Variants in SNX29 observed in about 807,000 individuals in gnomAD.
SNX29 encodes the protein sorting nexin 29.
Under a neutral mutation model 102.1 loss-of-function variants are expected in SNX29, and 78 were observed. The observed-to-expected ratio is 0.76, with a 90% CI of 0.64 to 0.92. The LOEUF (loss-of-function observed/expected upper bound fraction) is 0.92, where lower values mean the gene tolerates loss of function less well. Among genes scored for constraint, SNX29 ranks in the 40% least tolerant of loss-of-function variants. The pLI is 0.00. For synonymous variants in SNX29, 580 were observed against 414.5 expected (o/e 1.40, Z -4.85); for missense variants, 1,280 against 1,061.7 (o/e 1.21, Z -2.86).
At chr16:12,396,418 T>G (rs2083723557) in intron 16 of SNX29, among the ~76,000 whole-genome samples, 1 of 152,144 alleles carries the variant, frequency 6.6e-6, no homozygotes, top group Non-Finnish European at 1.5e-5. Context: ...CTAAAGGCGG[T>G]GGCGATTGTG....
chr16:12,494,766 G>A (rs2088727840), intron 19 of SNX29, among the ~76,000 whole-genome samples: 1 of 152,182 alleles, frequency 6.6e-6, no homozygotes, highest in Admixed American at 6.5e-5. Flanking sequence ...ATAAGCTGGT[G>A]AAAATGGGAA....
intron 12 of SNX29, 103 bp from the exon 13 acceptor site, chr16:12,129,527 G>GA: frequency 7.1e-7 from 1 of 1,398,998 alleles, no homozygotes; most frequent in Non-Finnish European, 9.4e-7. Context: ...GAGCCTTGTG[G>GA]AAAACGCATG....
chr16:12,519,069 C>T lies in SNX29; in HGVS notation c.2179-5633C>T, dbSNP rs568871863. Reference sequence around the variant, plus strand: ...TGGGGAGTGACGGTGCTATGTGGTCCGCTAATCAGGCACTCCCGGCTTAGC... The same window carrying T: ...TGGGGAGTGACGGTGCTATGTGGTCTGCTAATCAGGCACTCCCGGCTTAGC... On this transcript the variant is annotated intron_variant, in intron 19 of 20. Coordinates refer to ENST00000566228, the MANE Select transcript of SNX29 (RefSeq NM_032167.5). Among the ~76,000 whole-genome samples, 20 of 152,222 alleles carry T rather than the reference C, an allele frequency of 1.3e-4. No homozygotes were observed. In the South Asian group the frequency reaches 2.1e-3, roughly 16 times the overall value.
At chr16:12,225,618 T>G (rs2077589786) in intron 14 of SNX29, among the ~76,000 whole-genome samples, 1 of 152,238 alleles carries the variant, frequency 6.6e-6, no homozygotes, top group Non-Finnish European at 1.5e-5. Flanking sequence ...TGGGTATGTC[T>G]TTATCAGCAT....
At chr16:12,504,124 C>A (rs1188141648) in intron 19 of SNX29, among the ~76,000 whole-genome samples, 2 of 152,134 alleles carry the variant, frequency 1.3e-5, no homozygotes, top group African/African-American at 4.8e-5. Context: ...TCTCCCTGTT[C>A]TGAACATTTC....
At chr16:12,294,595 G>A (rs923044920) in intron 15 of SNX29, among the ~76,000 whole-genome samples, 7 of 152,176 alleles carry the variant, frequency 4.6e-5, no homozygotes, top group East Asian at 1.9e-4. Context: ...ATGGTTCCCT[G>A]TTAGCTGGTC....
intron 3 of SNX29, among the ~76,000 whole-genome samples, chr16:12,024,173 T>C (rs2057120985): frequency 6.6e-6 from 1 of 151,810 alleles, no homozygotes. Context: ...AGTTTCGCTC[T>C]TGTTGCCCAG....
At chr16:12,343,751 G>A (rs1420750804) in intron 15 of SNX29, among the ~76,000 whole-genome samples, 4 of 152,088 alleles carry the variant, frequency 2.6e-5, no homozygotes, top group African/African-American at 9.7e-5. Flanking sequence ...TTGTCACACT[G>A]ATGCCCAGAG....
intron 20 of SNX29, among the ~76,000 whole-genome samples, chr16:12,565,873 GAAC>G (rs1208966782): frequency 6.6e-6 from 1 of 152,154 alleles, no homozygotes; most frequent in Admixed American, 6.5e-5. Flanking sequence ...GCCCTGCTCA[GAAC>G]AACCTGAGTT....
intron 19 of SNX29, among the ~76,000 whole-genome samples, chr16:12,507,625 A>C (rs1400622368): frequency 6.6e-6 from 1 of 152,182 alleles, no homozygotes; most frequent in Non-Finnish European, 1.5e-5. Flanking sequence ...ATAGTAAGCT[A>C]AGAGCCTGAG....
chr16:12,423,160 G>T (rs1194900207), intron 18 of SNX29, among the ~76,000 whole-genome samples: 1 of 151,866 alleles, frequency 6.6e-6, no homozygotes, highest in African/African-American at 2.4e-5. Flanking sequence ...GCTCGCTAAA[G>T]CCAGGAGAAG....
chr16:12,562,554 ACT>A (rs1266805651), intron 20 of SNX29, among the ~76,000 whole-genome samples: 1 of 152,168 alleles, frequency 6.6e-6, no homozygotes, highest in Non-Finnish European at 1.5e-5. Flanking sequence ...CATCTAAGAC[ACT>A]GTCCCCGTGG....
chr16:12,007,419 C>T (rs1029943305), intron 3 of SNX29, among the ~76,000 whole-genome samples: 36 of 152,194 alleles, frequency 2.4e-4, no homozygotes, highest in African/African-American at 8.2e-4. Flanking sequence ...ACAGGAGAAT[C>T]GCTTGAACCC....
chr16:12,441,198 C>T (rs550262717), intron 18 of SNX29, among the ~76,000 whole-genome samples: 4 of 151,088 alleles, frequency 2.6e-5, no homozygotes, highest in Non-Finnish European at 5.9e-5. Context: ...CGCCATTCTC[C>T]TGACTCAGCC....
At chr16:12,155,360 C>G (rs571986498) in intron 13 of SNX29, among the ~76,000 whole-genome samples, 60 of 152,284 alleles carry the variant, frequency 3.9e-4, no homozygotes, top group African/African-American at 1.4e-3. Flanking sequence ...TAGCAAGCCA[C>G]TGGGAGGAGC....
At position 11,979,275 on chromosome 16, in the gene SNX29, C is replaced by CAAAAAAAAAAAAAAAAAA. The variant is rs71139569; in HGVS notation, c.7+2469_7+2486dup. Among the ~76,000 whole-genome samples the CAAAAAAAAAAAAAAAAAA allele has an allele frequency of 2.6e-4, 16 of 61,998 alleles. 1 individual carries two copies. The highest frequency in any genetic ancestry group is 1.1e-3 in the African/African-American group (15 of 13,386). 40.7% of individuals were successfully genotyped at this position (61,998 alleles called of 152,430 possible). On this transcript the variant is annotated intron_variant, in intron 1 of 20. Transcript: ENST00000566228. ...GGGCAACAGAGTGAGACTCAGTCTC[C>CAAAAAAAAAAAAAAAAAA]AAAAAAAAAAAAAAAAAAAAAAAAT... is the stretch of plus-strand genomic sequence containing the variant.
Position 12,572,278 on chromosome 16 carries a change from A to T in SNX29, c.*3649A>T. 1 of 1,058,338 alleles carries T rather than the reference A, an allele frequency of 9.4e-7. No homozygotes were observed. The allele number at this position is 1,058,338 out of a possible 1,614,324, so 65.6% of individuals were successfully genotyped here. On this transcript the variant is annotated 3_prime_UTR_variant, in exon 21 of 21. Coordinates refer to ENST00000566228, the MANE Select transcript of SNX29 (RefSeq NM_032167.5). ...ACCATGGCTGTAGCTGATGCAACTA[A>T]CAAGTACTGGGGCCAGTGATCACAA...
chr16:12,407,966 A>G (rs781475917), intron 18 of SNX29, among the ~76,000 whole-genome samples: 35 of 152,086 alleles, frequency 2.3e-4, no homozygotes, highest in Non-Finnish European at 2.4e-4. Flanking sequence ...ATTTCAGCCT[A>G]CGCAACACAG....
intron 15 of SNX29, among the ~76,000 whole-genome samples, chr16:12,330,407 C>T (rs915410221): frequency 2.0e-5 from 3 of 152,168 alleles, no homozygotes; most frequent in Non-Finnish European, 4.4e-5. Flanking sequence ...GCAGAGGTTG[C>T]AGTGAGCTGA....
Sources: gnomAD v4.1 joint callset for allele counts (sites outside exome capture counted in the v4.1 genomes callset) on GRCh38, gnomAD v4.1.1 for gene constraint, MANE v1.5 for transcripts, NCBI Gene and HGNC (gene_info 2026-07-23, HGNC 2026-07-21) for gene names.